The following ZNF804A variants were observed in gnomAD, a reference collection of about 807,000 sequenced individuals.
The protein encoded by ZNF804A is zinc finger protein 804A.
Under a neutral mutation model 16.5 loss-of-function variants are expected in ZNF804A, and 2 were observed. The observed-to-expected ratio is 0.12, with a 90% CI of 0.05 to 0.38. ZNF804A has a LOEUF of 0.38. Among genes scored for constraint, ZNF804A ranks in the 10% least tolerant of loss-of-function variants. The pLI is 0.99. For synonymous variants in ZNF804A, 534 were observed against 489.6 expected, an observed-to-expected ratio of 1.09 and a Z score of -1.20; for missense variants, 1,473 against 1,390.7, an observed-to-expected ratio of 1.06 and a Z score of -0.94.
chr2:184,689,359 C>T (rs1361722218), intron 1 of ZNF804A, among the ~76,000 whole-genome samples: 2 of 152,070 alleles, frequency 1.3e-5, no homozygotes, highest in African/African-American at 4.8e-5. Context: ...CTGACATTAG[C>T]AGTCTAGTGT....
At chr2:184,754,159 T>C (rs1250005480) in intron 1 of ZNF804A, among the ~76,000 whole-genome samples, 1 of 151,830 alleles carries the variant, frequency 6.6e-6, no homozygotes, top group Non-Finnish European at 1.5e-5. Flanking sequence ...CCTCAGGATA[T>C]GTCCACAGCT....
At chr2:184,760,606 A>G (rs1694025914) in intron 1 of ZNF804A, among the ~76,000 whole-genome samples, 1 of 152,136 alleles carries the variant, frequency 6.6e-6, no homozygotes, top group South Asian at 2.1e-4. Flanking sequence ...TTTCACCATG[A>G]CAAAGGTAAC....
chr2:184,908,754 T>C (rs1359533371), intron 2 of ZNF804A, among the ~76,000 whole-genome samples: 1 of 152,128 alleles, frequency 6.6e-6, no homozygotes. Flanking sequence ...TACATATTAC[T>C]AATAAACAAA....
intron 2 of ZNF804A, among the ~76,000 whole-genome samples, chr2:184,931,275 T>C (rs1685696297): frequency 6.6e-6 from 1 of 152,218 alleles, no homozygotes; most frequent in Admixed American, 6.5e-5. Flanking sequence ...ATGTGGGGGA[T>C]CCCACTCACA....
intron 2 of ZNF804A, among the ~76,000 whole-genome samples, chr2:184,924,939 GATTT>G (rs1468465950): frequency 1.3e-5 from 2 of 151,826 alleles, no homozygotes; most frequent in Non-Finnish European, 2.9e-5. Flanking sequence ...GATGTTTTAA[GATTT>G]GTTTTGTGAT....
At chr2:184,681,787 T>G (rs926931757) in intron 1 of ZNF804A, among the ~76,000 whole-genome samples, 1 of 152,208 alleles carries the variant, frequency 6.6e-6, no homozygotes, top group Non-Finnish European at 1.5e-5. Context: ...AGGAGCCCCA[T>G]GCTTCCCAAC....
intron 1 of ZNF804A, among the ~76,000 whole-genome samples, chr2:184,852,712 C>G (rs1023907865): frequency 2.0e-5 from 3 of 151,760 alleles, no homozygotes; most frequent in African/African-American, 7.3e-5. Context: ...ACTATCCTTT[C>G]CCCATTGTGT....
intron 1 of ZNF804A, among the ~76,000 whole-genome samples, chr2:184,669,086 C>T (rs557291883): frequency 6.8e-4 from 104 of 152,070 alleles, no homozygotes; most frequent in Non-Finnish European, 1.1e-3. Context: ...AATGTAACAA[C>T]TCTGCTACCC....
At chr2:184,709,612 A>C (rs115396459) in intron 1 of ZNF804A, among the ~76,000 whole-genome samples, 1 of 151,556 alleles carries the variant, frequency 6.6e-6, no homozygotes, top group Non-Finnish European at 1.5e-5. Flanking sequence ...TATCAAAAAA[A>C]CCTCGAGTCT....
intron 1 of ZNF804A, among the ~76,000 whole-genome samples, chr2:184,831,448 C>T (rs890805136): frequency 2.0e-5 from 3 of 152,066 alleles, no homozygotes; most frequent in South Asian, 4.1e-4. Flanking sequence ...TTTTCAAATG[C>T]TTTTGAAAAA....
At chr2:184,900,679 A>C (rs1685166046) in intron 2 of ZNF804A, among the ~76,000 whole-genome samples, 1 of 152,190 alleles carries the variant, frequency 6.6e-6, no homozygotes, top group Admixed American at 6.6e-5. Context: ...TATATAGGGC[A>C]GTTAGCCAGA....
At chr2:184,808,086 A>G (rs2105785439) in intron 1 of ZNF804A, among the ~76,000 whole-genome samples, 1 of 151,784 alleles carries the variant, frequency 6.6e-6, no homozygotes, top group South Asian at 2.1e-4. Context: ...CTAATTCAAT[A>G]TTAATATTTA....
intron 2 of ZNF804A, among the ~76,000 whole-genome samples, chr2:184,889,553 A>T (rs1684949033): frequency 6.6e-6 from 1 of 151,972 alleles, no homozygotes; most frequent in South Asian, 2.1e-4. Flanking sequence ...AAATAATAAC[A>T]TTTGAAATAA....
chr2:184,889,195 GTTTC>G (rs1414828583), intron 2 of ZNF804A, among the ~76,000 whole-genome samples: 4 of 150,862 alleles, frequency 2.7e-5, no homozygotes, highest in African/African-American at 9.7e-5. Context: ...TTTGATTTGA[GTTTC>G]TTTCAGTATT....
At chr2:184,725,749 G>A (rs1292851929) in intron 1 of ZNF804A, among the ~76,000 whole-genome samples, 1 of 151,326 alleles carries the variant, frequency 6.6e-6, no homozygotes, top group African/African-American at 2.4e-5. Flanking sequence ...TCACCACCAA[G>A]AAGCTCTGCC....
chr2:184,802,627 G>A (rs1434098452), intron 1 of ZNF804A, among the ~76,000 whole-genome samples: 2 of 152,104 alleles, frequency 1.3e-5, no homozygotes, highest in Non-Finnish European at 2.9e-5. Context: ...CAGATTTTGG[G>A]GTGACAGTTT....
intron 1 of ZNF804A, among the ~76,000 whole-genome samples, chr2:184,611,523 G>A (rs748418400): frequency 2.9e-4 from 44 of 152,076 alleles, no homozygotes; most frequent in African/African-American, 8.0e-4. Context: ...TAAAGTTCAC[G>A]AAACAATGGG....
chr2:184,718,841 G>A (rs557794223), intron 1 of ZNF804A, among the ~76,000 whole-genome samples: 25 of 152,254 alleles, frequency 1.6e-4, no homozygotes, highest in African/African-American at 6.0e-4. Context: ...GGTGCAAGCT[G>A]TTGGTGGACC....
At chr2:184,798,791 G>A (rs1394949598) in intron 1 of ZNF804A, among the ~76,000 whole-genome samples, 1 of 152,024 alleles carries the variant, frequency 6.6e-6, no homozygotes, top group Non-Finnish European at 1.5e-5. Context: ...GTGATTTTTG[G>A]GGGTGTTAAA....
Sources: gnomAD v4.1 joint callset for allele counts (sites outside exome capture counted in the v4.1 genomes callset) on GRCh38, gnomAD v4.1.1 for gene constraint, MANE v1.5 for transcripts, NCBI Gene and HGNC (gene_info 2026-07-23, HGNC 2026-07-21) for gene names.